Variants in ECEL1 observed in about 807,000 individuals in gnomAD.
ECEL1 encodes endothelin-converting enzyme-like 1.
Under a neutral mutation model 101.8 loss-of-function variants are expected in ECEL1, and 87 were observed. That is an observed-to-expected ratio of 0.85 (90% CI 0.72 to 1.02). The LOEUF (loss-of-function observed/expected upper bound fraction) is 1.02. Among genes scored for constraint, ECEL1 ranks in the 50% least tolerant of loss-of-function variants. ECEL1 has a pLI of 0.00. For missense variants in ECEL1, 1,032 were observed against 1,079.2 expected (o/e 0.96, Z 0.61); for synonymous variants, 487 against 468.7 (o/e 1.04, Z -0.50).
In ECEL1 at chr2:232,483,531, C is replaced by T; in HGVS notation, c.1408-17G>A. The T allele has an allele frequency of 1.3e-6, 2 of 1,591,896 alleles. No individual in the cohort carries two copies. The highest frequency in any genetic ancestry group is 1.7e-6 in the Non-Finnish European group (2 of 1,172,450). On this transcript the variant is annotated splice_polypyrimidine_tract_variant and intron_variant, in intron 7 of 17. Transcript: ENST00000304546. Reference sequence around the variant, plus strand: ...CTGCTGCACCTGCAGGGTCAGGGGTCAGGGAGCAAGGGTCAACCCAGCAGC... The same window carrying T: ...CTGCTGCACCTGCAGGGTCAGGGGTTAGGGAGCAAGGGTCAACCCAGCAGC...
intron 2 of ECEL1, 128 bp from the exon 3 acceptor site, chr2:232,485,395 C>G (rs1575078182): frequency 9.5e-7 from 1 of 1,055,944 alleles, no homozygotes. Context: ...AGCACGCAGA[C>G]CCCAGCTCCT....
chr2:232,481,268 C>A (rs2106182477), intron 14 of ECEL1, 112 bp from the exon 15 acceptor site: 1 of 1,408,788 alleles, frequency 7.1e-7, no homozygotes, highest in Non-Finnish European at 9.6e-7. Flanking sequence ...CCTTCCCTTG[C>A]CCAGAGAGTT....
rs780356854 is a variant in ECEL1, at chr2:232,484,131, T to A, written c.1277A>T (p.Gln426Leu). 8.7e-6 allele frequency: 14 copies of A among 1,613,730 alleles called. No homozygotes were observed. Among genetic ancestry groups the A allele is most frequent in the Non-Finnish European group, 1.1e-5 (13 of 1,180,026 alleles). The part of the protein sequence containing the change: ...PFREALHELA[Q>L]EMEGSDKPQE... Reference sequence around the variant, plus strand: ...TGGCTTGTCGCTGCCCTCCATCTCCTGTGCCAGCTCGTGCAGTGCCTCACG... The same window carrying A: ...TGGCTTGTCGCTGCCCTCCATCTCCAGTGCCAGCTCGTGCAGTGCCTCACG... Residue 426 changes from glutamine to leucine, a missense_variant, in exon 7 of 18, where the codon CAG becomes CTG. Physicochemically the swap from Gln to Leu is moderately radical, Grantham distance 113. Coordinates refer to ENST00000304546, the MANE Select transcript of ECEL1 (RefSeq NM_004826.4).
chr2:232,483,678 C>A (rs559587917), intron 7 of ECEL1, among the ~76,000 whole-genome samples, 164 bp from the exon 8 acceptor site: 27 of 152,310 alleles, frequency 1.8e-4, no homozygotes, highest in African/African-American at 6.5e-4. Flanking sequence ...CCTGCACCCC[C>A]GAGGGCTCAC....
chr2:232,482,062 A>T (rs919327906), intron 12 of ECEL1, among the ~76,000 whole-genome samples: 1 of 152,210 alleles, frequency 6.6e-6, no homozygotes, highest in Non-Finnish European at 1.5e-5. Context: ...AGGAAATCAC[A>T]TCTAACAGAG....
Position 232,482,480 on chromosome 2 carries a change from G to C in ECEL1, c.1745-11C>G, listed in dbSNP as rs185658924. ...TGCCCGCGGGGAACACTACAAGAAG[G>C]GGGTGCTCAGTGGGAAACCCATCCA... On this transcript the variant is annotated splice_polypyrimidine_tract_variant and intron_variant, in intron 11 of 17. Transcript: ENST00000304546. The C allele has an allele frequency of 1.2e-4, 194 of 1,614,036 alleles. No individual in the cohort carries two copies. The highest frequency in any genetic ancestry group is 1.5e-4 in the Non-Finnish European group (176 of 1,180,028).
At position 232,481,358 on chromosome 2, in the gene ECEL1, C is replaced by T. The variant is rs530652768; in HGVS notation, c.1989+148G>A. On this transcript the variant is annotated intron_variant, in intron 14 of 17. Coordinates refer to ENST00000304546, the MANE Select transcript of ECEL1 (RefSeq NM_004826.4). ...TCTGCGGACACTCATTATCTGTCCA[C>T]GTGAGTGTGCGTGGGAACCGAATGT... 9.7e-5 allele frequency: 137 copies of T among 1,411,074 alleles called. No homozygotes were observed. The South Asian group carries it at 1.6e-3, about 17-fold the overall frequency. The allele number at this position is 1,411,074 out of a possible 1,614,324, so 87.4% of individuals were successfully genotyped here.
Position 232,483,512 on chromosome 2 carries a change from C to A in ECEL1, c.1410G>T (p.Val470=), listed in dbSNP as rs769330263. 1.2e-6 allele frequency: 2 copies of A among 1,606,456 alleles called. No homozygotes were observed. The highest frequency in any genetic ancestry group is 8.5e-7 in the Non-Finnish European group (1 of 1,177,448). The change falls in exon 8 of 18, where the codon GTG becomes GTT. Residue 470 remains valine (V), a splice_region_variant and synonymous_variant. Transcript: ENST00000304546. ...EHFSAASKAK[V]QQLVEDIKYI... is the part of the protein sequence containing the mutation. ...ACTTGATGTCTTCCACTAGCTGCTGCACCTGCAGGGTCAGGGGTCAGGGAG... is the reference window on the plus strand; with the variant it reads ...ACTTGATGTCTTCCACTAGCTGCTGAACCTGCAGGGTCAGGGGTCAGGGAG...
At chr2:232,483,797 C>T (rs1394106571) in intron 7 of ECEL1, among the ~76,000 whole-genome samples, 1 of 152,234 alleles carries the variant, frequency 6.6e-6, no homozygotes. Context: ...GGTCTGCCTG[C>T]AGTTGATAGT....
In ECEL1 at chr2:232,479,883, C is replaced by T. The variant is rs1575074263; in HGVS notation, c.*270G>A. The T allele has an allele frequency of 3.8e-6, 2 of 533,296 alleles. No individual in the cohort carries two copies. Among genetic ancestry groups the T allele is most frequent in the East Asian group, 6.4e-5 (2 of 31,182 alleles). The allele number at this position is 533,296 out of a possible 1,614,324, so 33.0% of individuals were successfully genotyped here. On this transcript the variant is annotated 3_prime_UTR_variant, in exon 18 of 18. Coordinates refer to ENST00000304546, the MANE Select transcript of ECEL1 (RefSeq NM_004826.4). ...CAGCAAGAACACAGCGAAGGTGGGG[C>T]CCGTACAATCCAGCCTGGCAGAGGG...
chr2:232,484,184 GACC>G lies in ECEL1; in HGVS notation c.1221_1223del (p.Val408del). The G allele has an allele frequency of 6.2e-7, 1 of 1,613,210 alleles. No individual in the cohort carries two copies. Among genetic ancestry groups the G allele is most frequent in the East Asian group, 2.2e-5 (1 of 44,880 alleles). On this transcript the variant is annotated inframe_deletion, in exon 7 of 18. Transcript: ENST00000304546. ...ATGGCGGGGACAGGTGTTCACTCAG[GACC>G]ACCACCACGCGCCACACCAGGTAGT...
rs1690532381 is a variant in ECEL1 at position 232,479,966 on chromosome 2, A to G, written c.*187T>C. The G allele has an allele frequency of 1.6e-6, 1 of 617,146 alleles. No homozygotes were observed. The highest frequency in any genetic ancestry group is 2.9e-6 in the Non-Finnish European group (1 of 348,152). 38.2% of individuals were successfully genotyped at this position (617,146 alleles called of 1,614,324 possible). ...CAGTATATTTCCCTCACAGCCCCCC[A>G]AAGTCCAGCCTCACCCTGCTCCAGG... On this transcript the variant is annotated 3_prime_UTR_variant, in exon 18 of 18. Transcript: ENST00000304546.
intron 1 of ECEL1, among the ~76,000 whole-genome samples, chr2:232,487,483 G>A (rs1434320053): frequency 6.6e-6 from 1 of 152,096 alleles, no homozygotes; most frequent in Non-Finnish European, 1.5e-5. Context: ...ACCCAAACTT[G>A]GGCGAAGTTT....
chr2:232,484,732 T>A, intron 5 of ECEL1, 69 bp downstream of exon 5: 1 of 1,607,964 alleles, frequency 6.2e-7, no homozygotes, highest in Non-Finnish European at 8.5e-7. Context: ...TGGGGAGAGA[T>A]GACCCTGTAG....
At position 232,482,681 on chromosome 2, in the gene ECEL1, G is replaced by A. The variant is rs1261468695; in HGVS notation, c.1686-73C>T. On this transcript the variant is annotated intron_variant, in intron 10 of 17. Coordinates refer to ENST00000304546, the MANE Select transcript of ECEL1 (RefSeq NM_004826.4). ...GCTACCCTCACATCACAGCTTCCTC[G>A]TCAGCCATCTCCTGACAGTCTGGGG... 30 of 1,550,140 alleles carry A rather than the reference G, an allele frequency of 1.9e-5. 1 individual carries two copies. In the Admixed American group the frequency reaches 2.2e-4, roughly 11 times the overall value.
At chr2:232,482,278 G>T in intron 12 of ECEL1, 140 bp downstream of exon 12, 1 of 1,091,578 alleles carries the variant, frequency 9.2e-7, no homozygotes, top group Non-Finnish European at 1.4e-6. Flanking sequence ...TGGGGAGCCA[G>T]GGTCCACAGC....
intron 15 of ECEL1, 114 bp from the exon 16 acceptor site, chr2:232,480,927 A>G (rs2106182131): frequency 1.5e-6 from 2 of 1,345,070 alleles, no homozygotes; most frequent in South Asian, 1.4e-5. Flanking sequence ...GGGCCCGTGA[A>G]TCCTTCCTCT....
At chr2:232,483,240 A>T in intron 8 of ECEL1, 61 bp from the exon 9 acceptor site, 1 of 1,432,376 alleles carries the variant, frequency 7.0e-7, no homozygotes, top group South Asian at 1.2e-5. Context: ...CCCGCCCCCC[A>T]CCCTACCCAC....
At chr2:232,484,431 T>C in intron 6 of ECEL1, 41 bp downstream of exon 6, 1 of 1,609,150 alleles carries the variant, frequency 6.2e-7, no homozygotes, top group Non-Finnish European at 8.5e-7. Context: ...GGGAAGGACC[T>C]AGTGACCGCT....
Sources: gnomAD v4.1 joint callset for allele counts (sites outside exome capture counted in the v4.1 genomes callset) on GRCh38, gnomAD v4.1.1 for gene constraint, MANE v1.5 for transcripts, NCBI Gene and HGNC (gene_info 2026-07-23, HGNC 2026-07-21) for gene names.